Variants in STRBP observed in about 807,000 individuals in gnomAD.
The protein encoded by STRBP is spermatid perinuclear RNA-binding protein.
STRBP carries 13 observed loss-of-function variants against 80.1 expected under a neutral mutation model. The ratio of observed to expected loss-of-function variants is 0.16; its 90% CI spans 0.11 to 0.26. STRBP has a LOEUF of 0.26. STRBP is among the 10% of genes least tolerant of loss of function. STRBP has a pLI of 1.00. For missense variants in STRBP, 485 were observed against 815.2 expected, an observed-to-expected ratio of 0.59 and a Z score of 4.93; for synonymous variants, 284 against 291.2, an observed-to-expected ratio of 0.98 and a Z score of 0.25.
intron 17 of STRBP, among the ~76,000 whole-genome samples, chr9:123,129,994 T>C (rs1179430778): frequency 6.6e-6 from 1 of 152,216 alleles, no homozygotes; most frequent in African/African-American, 2.4e-5. Context: ...CTATCAAATT[T>C]ATTCCAGAAA....
chr9:123,113,959 G>C (rs1373219993), intron 3 of STRBP: 1 of 167,124 alleles, frequency 6.0e-6, no homozygotes, highest in East Asian at 1.9e-4. Flanking sequence ...AGCCTGAAAT[G>C]CTATCTGGCC....
intron 17 of STRBP, among the ~76,000 whole-genome samples, chr9:123,128,750 G>A (rs1403894582): frequency 1.3e-5 from 2 of 152,230 alleles, no homozygotes; most frequent in Non-Finnish European, 2.9e-5. Context: ...TCAGAAAGTA[G>A]TGAGAGAGCA....
chr9:123,187,096 A>G (rs2038729056), intron 2 of STRBP, among the ~76,000 whole-genome samples: 1 of 152,032 alleles, frequency 6.6e-6, no homozygotes, highest in African/African-American at 2.4e-5. Context: ...AACAATCTCA[A>G]TTACTGTCTC....
intron 1 of STRBP, among the ~76,000 whole-genome samples, chr9:123,259,673 C>T (rs2041119201): frequency 6.6e-6 from 1 of 152,142 alleles, no homozygotes; most frequent in Non-Finnish European, 1.5e-5. Flanking sequence ...CACGCCATTG[C>T]ACTCCAGCCT....
At chr9:123,264,762 T>A (rs2041233169) in intron 1 of STRBP, among the ~76,000 whole-genome samples, 2 of 152,208 alleles carry the variant, frequency 1.3e-5, no homozygotes, top group Non-Finnish European at 2.9e-5. Flanking sequence ...ATATCTAAAG[T>A]GCCTACAAAT....
intron 2 of STRBP, among the ~76,000 whole-genome samples, chr9:123,189,737 T>C (rs1361984754): frequency 6.6e-6 from 1 of 150,866 alleles, no homozygotes; most frequent in Non-Finnish European, 1.5e-5. Context: ...TTAGGAGAAA[T>C]ACCTAATGTA....
At chr9:123,169,457 G>T (rs1320353895) in intron 6 of STRBP, among the ~76,000 whole-genome samples, 2 of 152,010 alleles carry the variant, frequency 1.3e-5, no homozygotes, top group Admixed American at 6.6e-5. Context: ...AGGCATGAGC[G>T]ACCATGCCCA....
At chr9:123,179,663 C>G (rs1486727648) in intron 3 of STRBP, among the ~76,000 whole-genome samples, 1 of 151,964 alleles carries the variant, frequency 6.6e-6, no homozygotes, top group Non-Finnish European at 1.5e-5. Flanking sequence ...ATAGTCCCAG[C>G]TACTGAGGAG....
intron 2 of STRBP, among the ~76,000 whole-genome samples, chr9:123,224,313 C>T (rs2040167107): frequency 6.6e-6 from 1 of 152,166 alleles, no homozygotes; most frequent in African/African-American, 2.4e-5. Context: ...AAACACAATT[C>T]TTCACTCACA....
At chr9:123,261,275 A>G (rs2041156095) in intron 1 of STRBP, among the ~76,000 whole-genome samples, 1 of 152,176 alleles carries the variant, frequency 6.6e-6, no homozygotes, top group African/African-American at 2.4e-5. Context: ...AGACTTGTGT[A>G]CTCAACAGCT....
At chr9:123,186,164 G>A (rs1165040275) in intron 2 of STRBP, among the ~76,000 whole-genome samples, 1 of 151,836 alleles carries the variant, frequency 6.6e-6, no homozygotes, top group African/African-American at 2.4e-5. Context: ...GCAACACAGT[G>A]AGACCCCATC....
intron 6 of STRBP, among the ~76,000 whole-genome samples, chr9:123,164,140 G>T (rs1374343058): frequency 6.6e-6 from 1 of 152,160 alleles, no homozygotes; most frequent in African/African-American, 2.4e-5. Flanking sequence ...CCGCCTCCCG[G>T]GCTCAAGCAA....
intron 6 of STRBP, among the ~76,000 whole-genome samples, chr9:123,169,337 T>A (rs921367277): frequency 2.0e-5 from 3 of 151,742 alleles, no homozygotes; most frequent in Admixed American, 2.0e-4. Context: ...CCTGGCTGAT[T>A]TTTTTGTATT....
chr9:123,247,882 T>C (rs1378081994), intron 1 of STRBP, among the ~76,000 whole-genome samples: 3 of 152,182 alleles, frequency 2.0e-5, no homozygotes, highest in African/African-American at 7.2e-5. Context: ...ATGTCTTAAG[T>C]AACATCAGAG....
intron 2 of STRBP, among the ~76,000 whole-genome samples, chr9:123,235,001 G>T (rs535755989): frequency 1.3e-5 from 2 of 148,764 alleles, no homozygotes; most frequent in African/African-American, 2.5e-5. Context: ...TTTTTTGGGG[G>T]GGGGGGGTAC....
chr9:123,235,725 A>G (rs1394372578), intron 2 of STRBP, among the ~76,000 whole-genome samples: 1 of 152,088 alleles, frequency 6.6e-6, no homozygotes, highest in Non-Finnish European at 1.5e-5. Context: ...AAGAATGTCT[A>G]AAGGGTAGTC....
intron 2 of STRBP, among the ~76,000 whole-genome samples, chr9:123,206,195 T>C (rs2039507724): frequency 6.6e-6 from 1 of 152,246 alleles, no homozygotes; most frequent in Non-Finnish European, 1.5e-5. Context: ...GATTCTATGA[T>C]ACACGAGAAA....
chr9:123,257,186 T>C (rs1416649639), intron 1 of STRBP, among the ~76,000 whole-genome samples: 1 of 152,156 alleles, frequency 6.6e-6, no homozygotes, highest in Non-Finnish European at 1.5e-5. Context: ...ACCACTTATT[T>C]TCCATACAAA....
At chr9:123,201,979 T>C (rs2039342546) in intron 2 of STRBP, among the ~76,000 whole-genome samples, 1 of 152,198 alleles carries the variant, frequency 6.6e-6, no homozygotes, top group Admixed American at 6.5e-5. Flanking sequence ...AATTGATTGT[T>C]TTATTATTAT....
Sources: allele counts gnomAD v4.1 joint callset (sites outside exome capture counted in the v4.1 genomes callset), GRCh38; gene constraint gnomAD v4.1.1; transcripts MANE v1.5; gene names NCBI Gene and HGNC (gene_info 2026-07-23, HGNC 2026-07-21).